Variants in SBF2 observed in about 807,000 individuals in gnomAD.
SBF2 encodes myotubularin-related protein 13.
Under a neutral mutation model 225.2 loss-of-function variants are expected in SBF2, and 112 were observed. That is an observed-to-expected ratio of 0.50 (90% CI 0.43 to 0.58). The LOEUF is 0.58. Ranked by LOEUF, SBF2 falls within the 20% of genes least tolerant of loss-of-function variation. The probability of loss-of-function intolerance (pLI) is 0.00; values close to 1 mark genes in which losing one functional copy is unlikely to be tolerated. For missense variants in SBF2, 1,996 were observed against 2,206.2 expected (o/e 0.90, Z 1.91); for synonymous variants, 763 against 773.3 (o/e 0.99, Z 0.22).
intron 2 of SBF2, among the ~76,000 whole-genome samples, chr11:10,156,371 G>A (rs1955476366): frequency 6.6e-6 from 1 of 152,210 alleles, no homozygotes; most frequent in African/African-American, 2.4e-5. Flanking sequence ...GAACAGCCTG[G>A]GCATCGTGGA....
chr11:9,904,108 T>A (rs925718548), intron 16 of SBF2, among the ~76,000 whole-genome samples: 1 of 151,922 alleles, frequency 6.6e-6, no homozygotes, highest in African/African-American at 2.4e-5. Context: ...TTGTAACAAA[T>A]ACAAATACAA....
intron 1 of SBF2, among the ~76,000 whole-genome samples, chr11:10,277,231 G>A (rs888348446): frequency 3.5e-5 from 5 of 141,706 alleles, no homozygotes; most frequent in African/African-American, 1.0e-4. Context: ...ACCAGCCTAG[G>A]CATCACAAAG....
intron 2 of SBF2, among the ~76,000 whole-genome samples, chr11:10,084,732 C>T (rs989491936): frequency 2.0e-5 from 3 of 152,108 alleles, no homozygotes; most frequent in African/African-American, 7.2e-5. Context: ...TAGGTATATA[C>T]AATGGAATAC....
At chr11:10,023,396 A>C (rs1948931441) in intron 6 of SBF2, among the ~76,000 whole-genome samples, 2 of 152,270 alleles carry the variant, frequency 1.3e-5, no homozygotes, top group Admixed American at 6.5e-5. Flanking sequence ...TCATACCATA[A>C]ATTCCCCATT....
intron 2 of SBF2, among the ~76,000 whole-genome samples, chr11:10,127,944 C>T (rs1953837956): frequency 6.6e-6 from 1 of 152,086 alleles, no homozygotes; most frequent in Admixed American, 6.5e-5. Flanking sequence ...TTCTCACTTG[C>T]AAAATGGCAA....
chr11:10,031,938 C>T (rs999124530), intron 3 of SBF2, among the ~76,000 whole-genome samples: 28 of 152,186 alleles, frequency 1.8e-4, no homozygotes, highest in African/African-American at 6.0e-4. Flanking sequence ...GGCAGGGTCT[C>T]CCTATGTTGC....
At chr11:10,279,502 T>C (rs1963247710) in intron 1 of SBF2, among the ~76,000 whole-genome samples, 1 of 152,086 alleles carries the variant, frequency 6.6e-6, no homozygotes, top group Non-Finnish European at 1.5e-5. Flanking sequence ...AAGCTTACCC[T>C]GAAACTTCTT....
In SBF2 at chr11:9,850,215, T is replaced by G. The variant is rs780477645; in HGVS notation, c.2614A>C (p.Lys872Gln). 1 of 1,612,892 alleles carries G rather than the reference T, an allele frequency of 6.2e-7. No individual in the cohort carries two copies. Among genetic ancestry groups the G allele is most frequent in the African/African-American group, 1.3e-5 (1 of 74,894 alleles). The stretch of plus-strand genomic sequence containing the variant: ...GGCAGCAGAGCAGGTCTAAGAATCT[T>G]GGGCTTACAACAGAAAAAGATTGAT... Reference protein sequence around the residue: ...SRRLPPIQKPKILRPALLPGE... With the variant: ...SRRLPPIQKPQILRPALLPGE... The change falls in exon 22 of 40, where the codon AAG becomes CAG. Residue 872 changes from lysine to glutamine, a missense_variant. Physicochemically the swap from Lys to Gln is moderately conservative, Grantham distance 53 (BLOSUM62 1). Transcript: ENST00000256190.
intron 2 of SBF2, among the ~76,000 whole-genome samples, chr11:10,118,048 A>C (rs1296479956): frequency 1.3e-5 from 2 of 152,162 alleles, no homozygotes; most frequent in African/African-American, 4.8e-5. Context: ...CTTATTACAA[A>C]ACAAGTTAAA....
intron 1 of SBF2, among the ~76,000 whole-genome samples, chr11:10,224,029 C>T (rs541117657): frequency 2.6e-5 from 4 of 152,098 alleles, no homozygotes; most frequent in South Asian, 2.1e-4. Flanking sequence ...GTGTTTGTGG[C>T]GTAAGTTTTC....
At chr11:9,973,676 G>A (rs1946554430) in intron 13 of SBF2, among the ~76,000 whole-genome samples, 1 of 151,898 alleles carries the variant, frequency 6.6e-6, no homozygotes, top group Non-Finnish European at 1.5e-5. Context: ...CCTGCAGCAC[G>A]CCCAGCTACC....
intron 16 of SBF2, among the ~76,000 whole-genome samples, chr11:9,909,953 G>A (rs945079616): frequency 1.3e-5 from 2 of 152,026 alleles, no homozygotes. Flanking sequence ...GAGGCTGTTG[G>A]GCAGAAATAT....
intron 17 of SBF2, among the ~76,000 whole-genome samples, chr11:9,890,861 T>C (rs367598281): frequency 5.3e-5 from 8 of 152,104 alleles, no homozygotes; most frequent in African/African-American, 1.9e-4. Flanking sequence ...CAGCCGGGTG[T>C]GGTGGCTCAC....
chr11:10,161,563 A>G (rs570092780), intron 2 of SBF2, among the ~76,000 whole-genome samples: 2 of 152,342 alleles, frequency 1.3e-5, no homozygotes, highest in South Asian at 4.1e-4. Flanking sequence ...ATATGGCAAT[A>G]TGCCTAACTC....
intron 12 of SBF2, among the ~76,000 whole-genome samples, chr11:9,990,711 A>G (rs377340407): frequency 7.2e-4 from 110 of 152,322 alleles, no homozygotes; most frequent in African/African-American, 2.5e-3. Context: ...TCCTTGCCTT[A>G]TCATTGTTTC....
At chr11:9,928,958 T>C in intron 16 of SBF2, 1 of 468,874 alleles carries the variant, frequency 2.1e-6, no homozygotes, top group South Asian at 1.7e-5. Context: ...AAACGGGTCA[T>C]AAAGCAGCAG....
chr11:9,909,328 T>A (rs1479869219), intron 16 of SBF2, among the ~76,000 whole-genome samples: 2 of 151,836 alleles, frequency 1.3e-5, no homozygotes, highest in African/African-American at 4.8e-5. Context: ...CTTTTTTTTT[T>A]CCTTTTGACC....
At chr11:10,171,358 G>T (rs1956179834) in intron 2 of SBF2, among the ~76,000 whole-genome samples, 1 of 152,138 alleles carries the variant, frequency 6.6e-6, no homozygotes, top group Non-Finnish European at 1.5e-5. Context: ...AAGGGATGTT[G>T]AATTTTATCA....
chr11:10,103,079 G>A (rs994224578), intron 2 of SBF2, among the ~76,000 whole-genome samples: 6 of 152,110 alleles, frequency 3.9e-5, no homozygotes, highest in African/African-American at 1.4e-4. Flanking sequence ...TGTCTTCATT[G>A]GGTCTAATAT....
Sources: gnomAD v4.1 joint callset for allele counts (sites outside exome capture counted in the v4.1 genomes callset) on GRCh38, gnomAD v4.1.1 for gene constraint, MANE v1.5 for transcripts, NCBI Gene and HGNC (gene_info 2026-07-23, HGNC 2026-07-21) for gene names.